IMPG1: variants seen among roughly 807,000 people sequenced by gnomAD.
IMPG1 encodes interphotoreceptor matrix proteoglycan 1, also known as interphotoreceptor matrix proteoglycan of 150 kDa.
IMPG1 carries 85 observed loss-of-function variants against 92.0 expected under a neutral mutation model. The observed-to-expected ratio is 0.92, with a 90% CI of 0.78 to 1.11. IMPG1 has a LOEUF of 1.11. Ranked by LOEUF, IMPG1 falls within the 50% of genes least tolerant of loss-of-function variation. IMPG1 has a pLI of 0.00. For synonymous variants in IMPG1, 367 were observed against 334.1 expected (o/e 1.10, Z -1.08); for missense variants, 1,022 against 956.0 (o/e 1.07, Z -0.91).
At chr6:76,052,219 A>G (rs1784054443) in intron 1 of IMPG1, among the ~76,000 whole-genome samples, 1 of 152,134 alleles carries the variant, frequency 6.6e-6, no homozygotes, top group South Asian at 2.1e-4. Flanking sequence ...GTGAAGAGGT[A>G]GGAGTCTAGC....
intron 8 of IMPG1, among the ~76,000 whole-genome samples, chr6:76,008,924 T>A (rs1015956682): frequency 6.6e-6 from 1 of 152,234 alleles, no homozygotes; most frequent in Non-Finnish European, 1.5e-5. Context: ...CTGTTTCCTG[T>A]TACTATAAAT....
chr6:75,989,553 C>T (rs1782779836), intron 12 of IMPG1, among the ~76,000 whole-genome samples: 1 of 152,168 alleles, frequency 6.6e-6, no homozygotes, highest in Non-Finnish European at 1.5e-5. Flanking sequence ...TAAGCATATG[C>T]ACATCTTGGC....
chr6:76,031,721 T>G (rs2149487138), intron 4 of IMPG1, among the ~76,000 whole-genome samples: 1 of 152,350 alleles, frequency 6.6e-6, no homozygotes, highest in South Asian at 2.1e-4. Flanking sequence ...TAAGATCTCC[T>G]TCTTGTTAAT....
chr6:76,056,235 C>T (rs959403419), intron 1 of IMPG1, among the ~76,000 whole-genome samples: 1 of 152,056 alleles, frequency 6.6e-6, no homozygotes, highest in Non-Finnish European at 1.5e-5. Context: ...AACTATTTGG[C>T]AATCTCAATA....
At chr6:75,989,068 T>C (rs1782770553) in intron 12 of IMPG1, among the ~76,000 whole-genome samples, 1 of 152,192 alleles carries the variant, frequency 6.6e-6, no homozygotes, top group Admixed American at 6.5e-5. Context: ...GCCAGTTCTC[T>C]CAGCTGTAAC....
intron 15 of IMPG1, among the ~76,000 whole-genome samples, chr6:75,923,936 A>C (rs1346119202): frequency 2.0e-5 from 3 of 152,096 alleles, no homozygotes; most frequent in African/African-American, 7.2e-5. Context: ...AGAAGGATGG[A>C]AGGATTACAA....
At chr6:76,062,347 TGAAA>T (rs1407724237) in intron 1 of IMPG1, among the ~76,000 whole-genome samples, 12 of 152,222 alleles carry the variant, frequency 7.9e-5, no homozygotes, top group South Asian at 2.1e-4. Context: ...ACACATTTAC[TGAAA>T]GAAACATTAT....
chr6:75,964,016 G>C (rs1381802612), intron 12 of IMPG1, among the ~76,000 whole-genome samples: 1 of 152,168 alleles, frequency 6.6e-6, no homozygotes. Flanking sequence ...GCAAAAACTT[G>C]GGAGGAAAGG....
At chr6:75,936,999 C>G (rs992837221) in intron 14 of IMPG1, among the ~76,000 whole-genome samples, 2 of 152,162 alleles carry the variant, frequency 1.3e-5, no homozygotes, top group East Asian at 3.9e-4. Context: ...GCAGTCCAAC[C>G]AGTGTTGGGG....
intron 12 of IMPG1, among the ~76,000 whole-genome samples, chr6:75,967,857 C>T (rs1002332183): frequency 2.6e-5 from 4 of 152,100 alleles, no homozygotes; most frequent in African/African-American, 9.7e-5. Context: ...CCACATTGTC[C>T]TTCACATTTG....
chr6:75,983,215 A>G (rs1199975716), intron 12 of IMPG1, among the ~76,000 whole-genome samples: 1 of 151,912 alleles, frequency 6.6e-6, no homozygotes, highest in Non-Finnish European at 1.5e-5. Flanking sequence ...ACTAAGCAAT[A>G]TAATGAATAA....
intron 12 of IMPG1, among the ~76,000 whole-genome samples, chr6:75,974,359 C>CTTTCTT (rs1562354458): frequency 3.6e-5 from 4 of 111,916 alleles, no homozygotes; most frequent in Non-Finnish European, 5.5e-5. Flanking sequence ...TTCTTTCTTT[C>CTTTCTT]TTTCTTTCTT....
chr6:75,925,394 A>G (rs903510475), intron 15 of IMPG1, among the ~76,000 whole-genome samples: 2 of 152,128 alleles, frequency 1.3e-5, no homozygotes, highest in Non-Finnish European at 2.9e-5. Flanking sequence ...CTTCCTATAT[A>G]TATATATTCC....
At chr6:76,041,813 G>T in intron 2 of IMPG1, 80 bp downstream of exon 2, 1 of 912,762 alleles carries the variant, frequency 1.1e-6, no homozygotes, top group Non-Finnish European at 1.8e-6. Flanking sequence ...GGAAGTTTTA[G>T]GCTAAAGACA....
chr6:75,991,779 C>T (rs575798168), intron 12 of IMPG1, among the ~76,000 whole-genome samples: 2 of 152,286 alleles, frequency 1.3e-5, no homozygotes, highest in East Asian at 3.9e-4. Flanking sequence ...TCAGGCAAAC[C>T]TGCTTTCTCT....
chr6:76,051,535 A>G (rs1349869760), intron 1 of IMPG1, among the ~76,000 whole-genome samples: 1 of 152,220 alleles, frequency 6.6e-6, no homozygotes, highest in African/African-American at 2.4e-5. Flanking sequence ...AAGTTGTTGG[A>G]ATAAATGATG....
At chr6:75,980,205 C>A (rs1459079527) in intron 12 of IMPG1, among the ~76,000 whole-genome samples, 1 of 152,106 alleles carries the variant, frequency 6.6e-6, no homozygotes, top group Non-Finnish European at 1.5e-5. Context: ...GGGCAGTATA[C>A]ATTAGGTATA....
In IMPG1 at chr6:76,026,632, G is replaced by A. The variant is rs190164985; in HGVS notation, c.498-1374C>T. Among the ~76,000 whole-genome samples, 59 of 152,326 alleles carry A rather than the reference G, an allele frequency of 3.9e-4. 2 individuals are homozygous for A. The highest frequency in any genetic ancestry group is 1.4e-3 in the Admixed American group (21 of 15,302). On this transcript the variant is annotated intron_variant, in intron 4 of 16. Coordinates refer to ENST00000369950, the MANE Select transcript of IMPG1 (RefSeq NM_001563.4). ...CCTGGACAAAGGGTTCAGCTCCATC[G>A]GACAGTAATTAAACTTTTCTCCCTG... is the stretch of plus-strand genomic sequence containing the variant.
chr6:75,974,359 C>CT (rs1385601882), intron 12 of IMPG1, among the ~76,000 whole-genome samples: 1 of 111,916 alleles, frequency 8.9e-6, no homozygotes, highest in East Asian at 2.9e-4. Flanking sequence ...TTCTTTCTTT[C>CT]TTTCTTTCTT....
Sources: gnomAD v4.1 joint callset for allele counts (sites outside exome capture counted in the v4.1 genomes callset) on GRCh38, gnomAD v4.1.1 for gene constraint, MANE v1.5 for transcripts, NCBI Gene and HGNC (gene_info 2026-07-23, HGNC 2026-07-21) for gene names.